Variants in DIP2C observed in about 807,000 individuals in gnomAD.
DIP2C encodes the protein DIP2 acetate--CoA ligase C (putative).
Under a neutral mutation model 192.4 loss-of-function variants are expected in DIP2C, and 33 were observed. The observed-to-expected ratio is 0.17, with a 90% CI of 0.13 to 0.23. The LOEUF (loss-of-function observed/expected upper bound fraction) is 0.23. DIP2C is among the 10% of genes least tolerant of loss of function. The probability of loss-of-function intolerance (pLI) is 1.00; values close to 1 mark genes in which losing one functional copy is unlikely to be tolerated. For synonymous variants in DIP2C, 979 were observed against 864.1 expected, an observed-to-expected ratio of 1.13 and a Z score of -2.33; for missense variants, 1,537 against 2,110.1, an observed-to-expected ratio of 0.73 and a Z score of 5.32.
At chr10:415,655 C>T in intron 7 of DIP2C, 114 bp downstream of exon 7, 1 of 1,445,044 alleles carries the variant, frequency 6.9e-7, no homozygotes, top group Non-Finnish European at 9.4e-7. Context: ...CATCATGCGG[C>T]AAATGCCACG....
chr10:417,704 C>CAG lies in DIP2C; in HGVS notation c.739+1360_739+1361insCT, dbSNP rs139265409. Among the ~76,000 whole-genome samples, 314 of 111,038 alleles carry CAG rather than the reference C, an allele frequency of 2.8e-3. 8 individuals carry two copies. The highest frequency in any genetic ancestry group is 6.4e-3 in the Middle Eastern group (1 of 156). The allele number at this position is 111,038 out of a possible 152,430, so 72.8% of individuals were successfully genotyped here. ...GGCCTCCCTGTCCGCCTGTGCCTGT[C>CAG]GGCTCAAATAGGCCTCCCTGTCTGC... On this transcript the variant is annotated intron_variant, in intron 6 of 36. Transcript: ENST00000280886.
intron 1 of DIP2C, among the ~76,000 whole-genome samples, chr10:487,519 G>C (rs986365760): frequency 2.0e-5 from 3 of 148,426 alleles, no homozygotes; most frequent in Non-Finnish European, 4.4e-5. Flanking sequence ...TCTCAACACG[G>C]AGCCAAGAAC....
Position 487,576 on chromosome 10 carries a change from T to TTTTG in DIP2C, c.86-1047_86-1046insCAAA, listed in dbSNP as rs1554878553. Among the ~76,000 whole-genome samples, 82 of 125,040 alleles carry TTTTG rather than the reference T, an allele frequency of 6.6e-4. 1 individual carries two copies. The highest frequency in any genetic ancestry group is 2.4e-3 in the African/African-American group (76 of 31,122). 82.0% of individuals were successfully genotyped at this position (125,040 alleles called of 152,430 possible). On this transcript the variant is annotated intron_variant, in intron 1 of 36. Transcript: ENST00000280886. ...CCGCCCATCAATGAGTGTTTTTTTT[T>TTTTG]TTTTTTTTTTTTTTTTTTTTTGAGA...
Position 366,430 on chromosome 10 carries a change from G to A in DIP2C, c.2132-19C>T. ...ATGATGGCTAAAAGCAAACAGGAAA[G>A]CACATGCAGTGTGAGAGGGGGCAGG... On this transcript the variant is annotated intron_variant, in intron 18 of 36. Transcript: ENST00000280886. 1 of 1,614,056 alleles carries A rather than the reference G, an allele frequency of 6.2e-7. No homozygotes were observed. Among genetic ancestry groups the A allele is most frequent in the East Asian group, 2.2e-5 (1 of 44,886 alleles).
At chr10:535,586 A>G (rs1318867891) in intron 1 of DIP2C, among the ~76,000 whole-genome samples, 1 of 152,154 alleles carries the variant, frequency 6.6e-6, no homozygotes, top group Non-Finnish European at 1.5e-5. Flanking sequence ...TGACACAGCG[A>G]AACACACGAG....
At chr10:502,085 G>A (rs1166130901) in intron 1 of DIP2C, among the ~76,000 whole-genome samples, 1 of 152,192 alleles carries the variant, frequency 6.6e-6, no homozygotes, top group Admixed American at 6.5e-5. Flanking sequence ...GGTCGAGGTT[G>A]CACTGAGCTA....
intron 1 of DIP2C, among the ~76,000 whole-genome samples, chr10:606,426 T>G (rs1006694164): frequency 4.0e-5 from 6 of 150,908 alleles, no homozygotes; most frequent in Non-Finnish European, 8.8e-5. Context: ...TGATCCGAAT[T>G]CTCATTGGTT....
chr10:375,931 G>A (rs559921955), intron 17 of DIP2C, among the ~76,000 whole-genome samples: 161 of 152,172 alleles, frequency 1.1e-3, no homozygotes, highest in Non-Finnish European at 1.8e-3. Flanking sequence ...TAGCAACAAC[G>A]GCACATTTAG....
intron 9 of DIP2C, among the ~76,000 whole-genome samples, chr10:406,825 C>A (rs1365823438): frequency 3.3e-5 from 5 of 152,074 alleles, no homozygotes; most frequent in African/African-American, 1.2e-4. Context: ...ATCATAAAAC[C>A]TAAGATCAGT....
chr10:344,369 G>A (rs1266391406), intron 28 of DIP2C, among the ~76,000 whole-genome samples: 4 of 130,688 alleles, frequency 3.1e-5, no homozygotes, highest in Admixed American at 7.9e-5. Flanking sequence ...ACAAGGCTGC[G>A]AAGTCCCCAA....
intron 1 of DIP2C, among the ~76,000 whole-genome samples, chr10:560,190 C>A (rs766503192): frequency 1.1e-4 from 17 of 152,238 alleles, no homozygotes; most frequent in Non-Finnish European, 8.8e-5. Flanking sequence ...CATCCCTCCA[C>A]GCACAGCAGA....
chr10:397,600 GAC>G (rs1964098278), intron 10 of DIP2C, among the ~76,000 whole-genome samples: 1 of 151,586 alleles, frequency 6.6e-6, no homozygotes, highest in Non-Finnish European at 1.5e-5. Context: ...TGCAGGTTCA[GAC>G]CTGGGCAGTC....
At chr10:401,243 G>A (rs1964413523) in intron 9 of DIP2C, among the ~76,000 whole-genome samples, 1 of 151,510 alleles carries the variant, frequency 6.6e-6, no homozygotes, top group Non-Finnish European at 1.5e-5. Flanking sequence ...ATTTTCATCA[G>A]CCCATGAATC....
intron 4 of DIP2C, among the ~76,000 whole-genome samples, chr10:425,807 A>G (rs1374645536): frequency 6.6e-6 from 1 of 152,258 alleles, no homozygotes; most frequent in Admixed American, 6.5e-5. Context: ...GGAGACATAG[A>G]AAAGTACTGA....
chr10:314,761 G>C (rs1393048191), intron 31 of DIP2C, among the ~76,000 whole-genome samples: 2 of 152,210 alleles, frequency 1.3e-5, no homozygotes, highest in Non-Finnish European at 2.9e-5. Flanking sequence ...GGATGAACAT[G>C]TTCCTTTAGG....
chr10:419,557 A>G (rs750783228), intron 5 of DIP2C, among the ~76,000 whole-genome samples: 3 of 152,176 alleles, frequency 2.0e-5, no homozygotes, highest in Non-Finnish European at 4.4e-5. Flanking sequence ...CAGTCGACGC[A>G]GCCAAAGGCC....
intron 14 of DIP2C, among the ~76,000 whole-genome samples, chr10:387,154 T>C (rs1192050276): frequency 6.6e-6 from 1 of 152,212 alleles, no homozygotes; most frequent in East Asian, 1.9e-4. Context: ...TTTGACGTTA[T>C]TCTAAGATAC....
chr10:604,097 C>T (rs1252246167), intron 1 of DIP2C, among the ~76,000 whole-genome samples: 1 of 151,030 alleles, frequency 6.6e-6, no homozygotes, highest in African/African-American at 2.4e-5. Flanking sequence ...GGCAGACCCT[C>T]GTACTCCCTC....
At position 295,870 on chromosome 10, in the gene DIP2C, G is replaced by A. The variant is rs3132003; in HGVS notation, c.3987-7449C>T. 1.0e-2 allele frequency among the ~76,000 whole-genome samples: 1,520 copies of A among 152,276 alleles called. 23 individuals carry two copies. Among genetic ancestry groups the A allele is most frequent in the African/African-American group, 0.035 (1,435 of 41,540 alleles). ...AAAAAAATACAAAAATTAGCTAGAC[G>A]TGATGATAAGCATTTTTTCATGTGT... On this transcript the variant is annotated intron_variant, in intron 32 of 36. Transcript: ENST00000280886.
Sources: allele counts gnomAD v4.1 joint callset (sites outside exome capture counted in the v4.1 genomes callset), GRCh38; gene constraint gnomAD v4.1.1; transcripts MANE v1.5; gene names NCBI Gene and HGNC (gene_info 2026-07-23, HGNC 2026-07-21).